ZNF365: variants seen among roughly 807,000 people sequenced by gnomAD.
The protein encoded by ZNF365 is protein ZNF365.
Under a neutral mutation model 35.0 loss-of-function variants are expected in ZNF365, and 22 were observed. The observed-to-expected ratio is 0.63, with a 90% confidence interval of 0.45 to 0.90. ZNF365 has a LOEUF of 0.90. ZNF365 is among the 40% of genes least tolerant of loss of function. The probability of loss-of-function intolerance (pLI) is 0.00; values close to 1 mark genes in which losing one functional copy is unlikely to be tolerated. For synonymous variants in ZNF365, 188 were observed against 196.2 expected (o/e 0.96, Z 0.35); for missense variants, 448 against 500.3 (o/e 0.90, Z 1.00).
intron 3 of ZNF365, among the ~76,000 whole-genome samples, chr10:62,454,723 C>T (rs963247926): frequency 1.9e-4 from 29 of 152,110 alleles, no homozygotes; most frequent in Admixed American, 1.8e-3. Flanking sequence ...TTCCTGAATC[C>T]GTGCAACAAC....
chr10:62,455,377 C>T (rs141460665), intron 3 of ZNF365, among the ~76,000 whole-genome samples: 1 of 152,266 alleles, frequency 6.6e-6, no homozygotes, highest in East Asian at 1.9e-4. Context: ...ATGTAGAACA[C>T]TGTTCATCTC....
At chr10:62,418,390 G>A (rs1157453885) in intron 3 of ZNF365, among the ~76,000 whole-genome samples, 1 of 151,980 alleles carries the variant, frequency 6.6e-6, no homozygotes, top group Non-Finnish European at 1.5e-5. Flanking sequence ...GCCATTGTGT[G>A]AAATGACCAA....
At chr10:62,465,210 A>G (rs1456788632) in intron 4 of ZNF365, among the ~76,000 whole-genome samples, 5 of 152,190 alleles carry the variant, frequency 3.3e-5, no homozygotes, top group Admixed American at 2.6e-4. Flanking sequence ...CAACCTGGTC[A>G]GGTTGCACAT....
intron 3 of ZNF365, among the ~76,000 whole-genome samples, chr10:62,393,943 G>A (rs562649255): frequency 6.6e-6 from 1 of 152,016 alleles, no homozygotes; most frequent in African/African-American, 2.4e-5. Context: ...GGCAGATGTG[G>A]TTTCCCCTTG....
intron 3 of ZNF365, among the ~76,000 whole-genome samples, chr10:62,444,374 G>A (rs141615506): frequency 6.6e-6 from 1 of 152,288 alleles, no homozygotes; most frequent in East Asian, 1.9e-4. Context: ...TGCTTCTGTA[G>A]TATGTCTCTA....
At chr10:62,389,294 G>C (rs1312695637) in intron 3 of ZNF365, among the ~76,000 whole-genome samples, 1 of 150,760 alleles carries the variant, frequency 6.6e-6, no homozygotes, top group Non-Finnish European at 1.5e-5. Context: ...GGGGTGGGTG[G>C]TCATATTTGC....
rs193088281 is a variant in ZNF365 at position 62,471,290 on chromosome 10, C to G, written c.982-8586C>G. On this transcript the variant is annotated intron_variant, in intron 4 of 4. Coordinates refer to the ZNF365 transcript ENST00000395255. Reference sequence around the variant, plus strand: ...CTGAGGCAGAAGAATGGTGTGAACCCGGGAGGCGGAGCTTGCAGTGAGCCG... The same window carrying G: ...CTGAGGCAGAAGAATGGTGTGAACCGGGGAGGCGGAGCTTGCAGTGAGCCG... 6.0e-3 allele frequency among the ~76,000 whole-genome samples: 887 copies of G among 148,770 alleles called. 14 individuals are homozygous for G. The highest frequency in any genetic ancestry group is 0.033 in the Admixed American group (494 of 14,788).
intron 2 of ZNF365, among the ~76,000 whole-genome samples, chr10:62,381,234 A>G (rs972378465): frequency 6.6e-6 from 1 of 152,228 alleles, no homozygotes; most frequent in Non-Finnish European, 1.5e-5. Flanking sequence ...AAGGGGCGGC[A>G]GGGAGGGCTG....
At chr10:62,435,390 C>T (rs1261530640) in intron 3 of ZNF365, among the ~76,000 whole-genome samples, 1 of 152,140 alleles carries the variant, frequency 6.6e-6, no homozygotes, top group Non-Finnish European at 1.5e-5. Flanking sequence ...TTGCCTCACA[C>T]ATGCCTGAGA....
At chr10:62,423,627 T>C (rs1840207956) in intron 3 of ZNF365, among the ~76,000 whole-genome samples, 1 of 152,158 alleles carries the variant, frequency 6.6e-6, no homozygotes, top group Non-Finnish European at 1.5e-5. Context: ...AAAGATATTT[T>C]AATAGAAAAT....
chr10:62,458,974 C>T (rs1262078874), intron 3 of ZNF365, among the ~76,000 whole-genome samples: 2 of 152,106 alleles, frequency 1.3e-5, no homozygotes, highest in African/African-American at 2.4e-5. Flanking sequence ...GAAGAATGGG[C>T]CTGGAATAAG....
intron 4 of ZNF365, among the ~76,000 whole-genome samples, chr10:62,474,743 A>G (rs531491899): frequency 6.6e-6 from 1 of 152,342 alleles, no homozygotes; most frequent in African/African-American, 2.4e-5. Flanking sequence ...ATCCTATAGG[A>G]ATCACAAAGA....
In ZNF365 at chr10:62,401,334, A is replaced by G; in HGVS notation, c.*1545A>G. ...TGGCAGAATTATGATTGTTACTGCA[A>G]TAAGCATCAAATTAGCAGCGCATTA... On this transcript the variant is annotated 3_prime_UTR_variant, in exon 5 of 5. Transcript: ENST00000395254. 3.0e-6 allele frequency: 3 copies of G among 985,578 alleles called. No individual in the cohort carries two copies. The highest frequency in any genetic ancestry group is 3.6e-6 in the Non-Finnish European group (3 of 829,932). 61.1% of individuals were successfully genotyped at this position (985,578 alleles called of 1,614,324 possible).
At chr10:62,435,821 A>G (rs950678001) in intron 3 of ZNF365, among the ~76,000 whole-genome samples, 6 of 152,212 alleles carry the variant, frequency 3.9e-5, no homozygotes, top group African/African-American at 1.4e-4. Context: ...TCTTCCCCAT[A>G]GGCAAAGTGG....
chr10:62,421,823 G>T (rs1840173650), intron 3 of ZNF365, among the ~76,000 whole-genome samples: 1 of 152,212 alleles, frequency 6.6e-6, no homozygotes, highest in Non-Finnish European at 1.5e-5. Flanking sequence ...GAATACAGAT[G>T]AATCTGGAAT....
rs1319799888 is a variant in ZNF365, at chr10:62,399,798, G to T, written c.*9G>T. ...TTGTGAACATCATCTAAAAGGGTGG[G>T]TGGTGCTGGACCAATCATCGCTGGG... On this transcript the variant is annotated 3_prime_UTR_variant, in exon 5 of 5. Coordinates refer to ENST00000395254, the MANE Select transcript of ZNF365 (RefSeq NM_014951.3). 6.2e-7 allele frequency: 1 copy of T among 1,609,896 alleles called. No homozygotes were observed. Among genetic ancestry groups the T allele is most frequent in the Admixed American group, 1.7e-5 (1 of 59,582 alleles).
At chr10:62,409,153 C>T (rs1369664200) in intron 3 of ZNF365, among the ~76,000 whole-genome samples, 2 of 152,146 alleles carry the variant, frequency 1.3e-5, no homozygotes, top group Non-Finnish European at 2.9e-5. Context: ...CCCCAAGCTT[C>T]GGTCCAAAGG....
At chr10:62,425,811 T>C (rs1840242298) in intron 3 of ZNF365, among the ~76,000 whole-genome samples, 1 of 152,200 alleles carries the variant, frequency 6.6e-6, no homozygotes, top group Non-Finnish European at 1.5e-5. Context: ...TTTATCACCA[T>C]TAGAAGACAA....
At chr10:62,447,738 C>G (rs1245272958) in intron 3 of ZNF365, among the ~76,000 whole-genome samples, 1 of 152,174 alleles carries the variant, frequency 6.6e-6, no homozygotes, top group Non-Finnish European at 1.5e-5. Context: ...CCTGGAAACT[C>G]TTTTCTTTCT....
Sources: gnomAD v4.1 joint callset for allele counts (sites outside exome capture counted in the v4.1 genomes callset) on GRCh38, gnomAD v4.1.1 for gene constraint, MANE v1.5 for transcripts, NCBI Gene and HGNC (gene_info 2026-07-23, HGNC 2026-07-21) for gene names.